Variants in SORCS1 observed in about 807,000 individuals in gnomAD.
The protein encoded by SORCS1 is sortilin related VPS10 domain containing receptor 1.
A neutral mutation model predicts 146.1 loss-of-function variants in SORCS1; 60 were observed. The observed-to-expected ratio is 0.41, with a 90% CI of 0.33 to 0.51. The LOEUF (loss-of-function observed/expected upper bound fraction) is 0.51. SORCS1 is among the 20% of genes least tolerant of loss of function. SORCS1 has a pLI of 0.21. For missense variants in SORCS1, 1,352 were observed against 1,487.6 expected (o/e 0.91, Z 1.50); for synonymous variants, 637 against 584.0 (o/e 1.09, Z -1.31).
At chr10:106,661,339 C>T (rs1850712310) in intron 17 of SORCS1, among the ~76,000 whole-genome samples, 1 of 152,182 alleles carries the variant, frequency 6.6e-6, no homozygotes, top group Admixed American at 6.5e-5. Flanking sequence ...GACAGACGTG[C>T]TTTGGTGTAC....
At chr10:106,618,952 A>C (rs945485647) in intron 20 of SORCS1, among the ~76,000 whole-genome samples, 1 of 152,180 alleles carries the variant, frequency 6.6e-6, no homozygotes, top group Non-Finnish European at 1.5e-5. Flanking sequence ...TCCTAGAGGA[A>C]AAAATATTAG....
intron 21 of SORCS1, 28 bp from the exon 22 acceptor site, chr10:106,612,051 T>C (rs1352773260): frequency 1.9e-6 from 3 of 1,546,846 alleles, no homozygotes; most frequent in Non-Finnish European, 1.8e-6. Context: ...GATGGAGTAC[T>C]ATAAGTCAAA....
intron 6 of SORCS1, among the ~76,000 whole-genome samples, chr10:106,728,645 G>A (rs1222619188): frequency 1.3e-5 from 2 of 152,194 alleles, no homozygotes; most frequent in Non-Finnish European, 2.9e-5. Context: ...GTGGTTTCTG[G>A]GGAGTTTGGG....
chr10:106,896,232 C>A (rs1951470453), intron 2 of SORCS1, among the ~76,000 whole-genome samples: 1 of 151,828 alleles, frequency 6.6e-6, no homozygotes, highest in African/African-American at 2.4e-5. Flanking sequence ...AGTTTGAGAC[C>A]AGCCTGACCA....
At chr10:106,844,125 T>C (rs1168407014) in intron 2 of SORCS1, among the ~76,000 whole-genome samples, 1 of 152,234 alleles carries the variant, frequency 6.6e-6, no homozygotes, top group East Asian at 1.9e-4. Flanking sequence ...AACTTGCATT[T>C]CCCTGATATT....
At chr10:106,854,666 A>T (rs986046162) in intron 2 of SORCS1, among the ~76,000 whole-genome samples, 7 of 151,968 alleles carry the variant, frequency 4.6e-5, no homozygotes, top group African/African-American at 1.7e-4. Flanking sequence ...TTTGCAATAC[A>T]TATTTACCAC....
At chr10:107,021,364 A>G (rs553967416) in intron 1 of SORCS1, among the ~76,000 whole-genome samples, 6 of 151,790 alleles carry the variant, frequency 4.0e-5, no homozygotes, top group African/African-American at 1.4e-4. Flanking sequence ...CGCAAAAAAA[A>G]TTAGCCGGGC....
intron 5 of SORCS1, among the ~76,000 whole-genome samples, chr10:106,753,685 A>T (rs1858427801): frequency 1.8e-5 from 2 of 113,658 alleles, no homozygotes; most frequent in South Asian, 6.4e-4. Flanking sequence ...AGGTATATTA[A>T]AAAAAAAAAA....
chr10:107,103,224 T>A (rs1965065931), intron 1 of SORCS1, among the ~76,000 whole-genome samples: 1 of 152,232 alleles, frequency 6.6e-6, no homozygotes. Flanking sequence ...TGCTCTGCAA[T>A]TAATCATCTC....
At chr10:107,133,795 T>C (rs1455536778) in intron 1 of SORCS1, among the ~76,000 whole-genome samples, 1 of 152,204 alleles carries the variant, frequency 6.6e-6, no homozygotes, top group African/African-American at 2.4e-5. Context: ...CAAAAACAAA[T>C]CTAGCTGTAT....
chr10:107,084,395 A>G (rs6584794), intron 1 of SORCS1, among the ~76,000 whole-genome samples: 78,940 of 151,172 alleles, frequency 0.52, 21,846 homozygotes, highest in African/African-American at 0.69. Context: ...GAGCCGCCAC[A>G]CCTGGCCAGG....
chr10:106,912,955 C>T (rs1217921316), intron 2 of SORCS1, among the ~76,000 whole-genome samples: 1 of 152,132 alleles, frequency 6.6e-6, no homozygotes, highest in Non-Finnish European at 1.5e-5. Context: ...GCTGGGATTA[C>T]AGGCATGAGC....
intron 24 of SORCS1, among the ~76,000 whole-genome samples, chr10:106,580,148 T>C (rs1844817211): frequency 6.6e-6 from 1 of 152,124 alleles, no homozygotes; most frequent in Non-Finnish European, 1.5e-5. Flanking sequence ...TGATGGAGCA[T>C]GCTTGTATTT....
At chr10:107,012,676 G>A (rs1466555252) in intron 1 of SORCS1, among the ~76,000 whole-genome samples, 1 of 152,136 alleles carries the variant, frequency 6.6e-6, no homozygotes, top group Non-Finnish European at 1.5e-5. Flanking sequence ...TGCCTCTAGT[G>A]TCCACATGTT....
At chr10:106,929,406 T>G (rs1953268869) in intron 2 of SORCS1, among the ~76,000 whole-genome samples, 1 of 152,142 alleles carries the variant, frequency 6.6e-6, no homozygotes, top group African/African-American at 2.4e-5. Context: ...GAGATGTGAA[T>G]TGGCCCATTA....
At chr10:106,889,666 A>G (rs1004442412) in intron 2 of SORCS1, among the ~76,000 whole-genome samples, 48 of 151,870 alleles carry the variant, frequency 3.2e-4, no homozygotes, top group Non-Finnish European at 1.0e-4. Context: ...TTGGGAGGCC[A>G]AGGCAGGCAG....
intron 1 of SORCS1, among the ~76,000 whole-genome samples, chr10:107,111,070 G>A (rs7092574): frequency 0.012 from 1,863 of 152,282 alleles, 35 homozygotes; most frequent in African/African-American, 0.042. Context: ...TCAACATGAG[G>A]AGGCTTTTCC....
At chr10:106,817,133 C>T (rs1472068928) in intron 3 of SORCS1, among the ~76,000 whole-genome samples, 2 of 152,216 alleles carry the variant, frequency 1.3e-5, no homozygotes, top group Non-Finnish European at 2.9e-5. Flanking sequence ...AAACAGACTA[C>T]TTCAATATCA....
rs79684546 is a variant in SORCS1 at position 106,688,639 on chromosome 10, G to A, written c.1414-301C>T. Among the ~76,000 whole-genome samples the A allele has an allele frequency of 2.6e-3, 395 of 152,256 alleles. 21 individuals are homozygous for A. The East Asian group carries it at 0.057, about 22-fold the overall frequency. On this transcript the variant is annotated intron_variant, in intron 9 of 25. Transcript: ENST00000263054. ...AGTTGCCAAGAGATAAATTCTCATG[G>A]TTTCAGCTCTGTTGCTTGGTAAGTA...
Sources: gnomAD v4.1 joint callset for allele counts (sites outside exome capture counted in the v4.1 genomes callset) on GRCh38, gnomAD v4.1.1 for gene constraint, MANE v1.5 for transcripts, NCBI Gene and HGNC (gene_info 2026-07-23, HGNC 2026-07-21) for gene names.